Variants in UNC80 observed in about 807,000 individuals in gnomAD.
The protein encoded by UNC80 is unc-80 subunit of NALCN channel complex.
Under a neutral mutation model 384.6 loss-of-function variants are expected in UNC80, and 164 were observed. The ratio of observed to expected loss-of-function variants is 0.43; its 90% CI spans 0.38 to 0.49. The LOEUF is 0.49. UNC80 is among the 20% of genes least tolerant of loss of function. UNC80 has a pLI of 0.00. For synonymous variants in UNC80, 1,486 were observed against 1,527.8 expected, an observed-to-expected ratio of 0.97 and a Z score of 0.64; for missense variants, 3,330 against 4,143.0, an observed-to-expected ratio of 0.80 and a Z score of 5.39.
chr2:209,966,336 G>C (rs1335909490), intron 51 of UNC80, among the ~76,000 whole-genome samples: 1 of 152,096 alleles, frequency 6.6e-6, no homozygotes, highest in East Asian at 1.9e-4. Flanking sequence ...AATCAAGCTC[G>C]AATCATACAG....
chr2:209,984,788 T>C lies in UNC80; in HGVS notation c.9258-68T>C, dbSNP rs570469904. On this transcript the variant is annotated intron_variant, in intron 60 of 64. Coordinates refer to ENST00000673920, the MANE Select transcript of UNC80 (RefSeq NM_001371986.1). ...CTTGGAAGCAGAAAATTGCATGCCTTTTTTCTTTTTTCTTTTTTTTTTTCA... is the reference window on the plus strand; with the variant it reads ...CTTGGAAGCAGAAAATTGCATGCCTCTTTTCTTTTTTCTTTTTTTTTTTCA... 7.0e-5 allele frequency: 101 copies of C among 1,448,492 alleles called. 3 individuals carry two copies. The South Asian group carries it at 1.0e-3, about 15-fold the overall frequency. The allele number at this position is 1,448,492 out of a possible 1,614,324, so 89.7% of individuals were successfully genotyped here.
At chr2:209,848,036 A>G (rs1298609521) in intron 21 of UNC80, among the ~76,000 whole-genome samples, 2 of 152,030 alleles carry the variant, frequency 1.3e-5, no homozygotes, top group Non-Finnish European at 2.9e-5. Flanking sequence ...TATACTATTA[A>G]AGGGGTATAT....
At chr2:209,815,430 A>G (rs1488094996) in intron 9 of UNC80, 39 bp downstream of exon 9, 1 of 1,536,582 alleles carries the variant, frequency 6.5e-7, no homozygotes, top group South Asian at 1.2e-5. Flanking sequence ...ATTTTGGTAA[A>G]TAAAAAATGT....
At chr2:209,903,168 ATGTC>A (rs1235426919) in intron 28 of UNC80, among the ~76,000 whole-genome samples, 1 of 150,740 alleles carries the variant, frequency 6.6e-6, no homozygotes, top group African/African-American at 2.4e-5. Context: ...ATTCCCAAAA[ATGTC>A]TGTGCATTTT....
At chr2:209,987,838 T>C (rs2093319984) in intron 61 of UNC80, among the ~76,000 whole-genome samples, 1 of 151,740 alleles carries the variant, frequency 6.6e-6, no homozygotes, top group Non-Finnish European at 1.5e-5. Flanking sequence ...TTTCAAAGCA[T>C]AAAAACTTGG....
chr2:209,783,813 G>C (rs1559083105), intron 4 of UNC80, among the ~76,000 whole-genome samples: 1 of 152,128 alleles, frequency 6.6e-6, no homozygotes, highest in South Asian at 2.1e-4. Flanking sequence ...TTGAGGTTTG[G>C]CTTCCTGTAT....
intron 37 of UNC80, 34 bp from the exon 38 acceptor site, chr2:209,930,934 G>A (rs1391148432): frequency 1.4e-6 from 2 of 1,440,318 alleles, no homozygotes; most frequent in South Asian, 2.6e-5. Flanking sequence ...CATGGCAGCT[G>A]AAGGAAACAT....
chr2:209,893,932 A>G (rs2086579977), intron 26 of UNC80, among the ~76,000 whole-genome samples: 1 of 152,176 alleles, frequency 6.6e-6, no homozygotes, highest in Non-Finnish European at 1.5e-5. Context: ...CTGGGCCAGA[A>G]AGAGAGCAGG....
At chr2:209,969,549 C>T in intron 52 of UNC80, 1 of 541,716 alleles carries the variant, frequency 1.8e-6, no homozygotes, top group African/African-American at 1.9e-5. Context: ...TCTGTTTTTT[C>T]TTCAATAGAT....
In UNC80 at chr2:209,976,072, G is replaced by A. The variant is rs372568022; in HGVS notation, c.8588-47G>A. The A allele has an allele frequency of 3.8e-4, 570 of 1,511,686 alleles. No homozygotes were observed. Among genetic ancestry groups the A allele is most frequent in the Non-Finnish European group, 4.9e-4 (551 of 1,130,472 alleles). The allele number at this position is 1,511,686 out of a possible 1,614,324, so 93.6% of individuals were successfully genotyped here. ...GCTCTGGATGTAGGTTGGGTTCCTC[G>A]GAAGCACACGTCCGCAGGCTCATTT... On this transcript the variant is annotated intron_variant, in intron 56 of 64. Coordinates refer to ENST00000673920, the MANE Select transcript of UNC80 (RefSeq NM_001371986.1). The surrounding 1 kb of genome is among the most constrained non-coding windows in gnomAD (Gnocchi z 4.3).
intron 5 of UNC80, among the ~76,000 whole-genome samples, chr2:209,786,560 C>A (rs1053212168): frequency 6.6e-6 from 1 of 152,074 alleles, no homozygotes; most frequent in African/African-American, 2.4e-5. Flanking sequence ...ATTATGTTAT[C>A]ATCATCATCA....
Position 209,978,699 on chromosome 2 carries a change from G to A in UNC80, c.9109G>A (p.Asp3037Asn). The A allele has an allele frequency of 6.5e-7, 1 of 1,535,936 alleles. No individual in the cohort carries two copies. Among genetic ancestry groups the A allele is most frequent in the South Asian group, 1.2e-5 (1 of 82,900 alleles). Reference protein sequence around the residue: ...QDTLSRTDEEDEENDSISMPS... With the variant: ...QDTLSRTDEENEENDSISMPS... The stretch of plus-strand genomic sequence containing the variant: ...CACCCTGAGTCGGACTGATGAGGAA[G>A]ATGAGGAAAGTAGGTCATTCCAGAG... The change falls in exon 59 of 65, where the codon GAT becomes AAT. Residue 3037 changes from aspartate (D) to asparagine (N), a missense_variant. Physicochemically the swap from Asp to Asn is conservative, Grantham distance 23 (BLOSUM62 1). Coordinates refer to ENST00000673920, the MANE Select transcript of UNC80 (RefSeq NM_001371986.1).
chr2:209,954,982 G>T (rs1327353496), intron 48 of UNC80, among the ~76,000 whole-genome samples: 1 of 152,122 alleles, frequency 6.6e-6, no homozygotes, highest in Non-Finnish European at 1.5e-5. Flanking sequence ...GGGAGCCCTG[G>T]ATGAGACAAA....
chr2:209,939,228 T>A (rs1359505863), intron 42 of UNC80, among the ~76,000 whole-genome samples: 1 of 152,138 alleles, frequency 6.6e-6, no homozygotes, highest in Non-Finnish European at 1.5e-5. Context: ...CTCTCCAGCC[T>A]AAAACTCCAT....
At position 209,959,163 on chromosome 2, in the gene UNC80, A is replaced by G; in HGVS notation, c.7586+9A>G. On this transcript the variant is annotated intron_variant, in intron 50 of 64. Coordinates refer to ENST00000673920, the MANE Select transcript of UNC80 (RefSeq NM_001371986.1). ...AAACTGCACTTTATCAGGTACAGAA[A>G]GACTTGCTCTAATTTCATACCAGTT... 6.4e-7 allele frequency: 1 copy of G among 1,552,014 alleles called. No homozygotes were observed. The highest frequency in any genetic ancestry group is 8.7e-7 in the Non-Finnish European group (1 of 1,146,944).
At chr2:209,809,649 T>C (rs908376860) in intron 7 of UNC80, 14 of 605,578 alleles carry the variant, frequency 2.3e-5, no homozygotes, top group Non-Finnish European at 3.8e-5. Context: ...CTCCCCAAGC[T>C]CCAGAAGGAA....
chr2:209,991,023 G>A (rs960356887), intron 61 of UNC80, among the ~76,000 whole-genome samples: 1 of 152,160 alleles, frequency 6.6e-6, no homozygotes, highest in Non-Finnish European at 1.5e-5. Flanking sequence ...TAACACAAAA[G>A]GGGAAACATC....
In UNC80 at chr2:209,844,472, T is replaced by TTCCTTCTTTCCTTCC. The variant is rs2082009020; in HGVS notation, c.3454+2027_3454+2028insCCTTCTTTCCTTCCT. 1.3e-3 allele frequency among the ~76,000 whole-genome samples: 98 copies of TTCCTTCTTTCCTTCC among 77,148 alleles called. 6 individuals carry two copies. The highest frequency in any genetic ancestry group is 3.8e-3 in the African/African-American group (89 of 23,162). 50.6% of individuals were successfully genotyped at this position (77,148 alleles called of 152,430 possible). A position where few individuals can be genotyped will look rare whatever the true frequency, so the allele number is the denominator to read the frequency against. Reference sequence around the variant, plus strand: ...TTTCTTTTCTTTCTTTCTTTCTTTCTTTCTTTCCTTCCTTCCTTCCTTCCT... The same window carrying TTCCTTCTTTCCTTCC: ...TTTCTTTTCTTTCTTTCTTTCTTTCTTCCTTCTTTCCTTCCTTCTTTCCTTCCTTCCTTCCTTCCT... On this transcript the variant is annotated intron_variant, in intron 21 of 64. Transcript: ENST00000673920.
At chr2:209,808,380 T>G (rs1361251244) in intron 7 of UNC80, among the ~76,000 whole-genome samples, 3 of 152,056 alleles carry the variant, frequency 2.0e-5, no homozygotes, top group Non-Finnish European at 4.4e-5. Flanking sequence ...CTGGCCAACA[T>G]GGAGAAACCT....
Sources: allele counts gnomAD v4.1 joint callset (sites outside exome capture counted in the v4.1 genomes callset), GRCh38; gene constraint gnomAD v4.1.1; non-coding constraint Gnocchi (gnomAD v3.1); transcripts MANE v1.5; gene names NCBI Gene and HGNC (gene_info 2026-07-23, HGNC 2026-07-21).